The following GPC2 variants were observed in gnomAD, a reference collection of about 807,000 sequenced individuals.
The protein encoded by GPC2 is glypican 2.
Under a neutral mutation model 57.3 loss-of-function variants are expected in GPC2, and 42 were observed. The ratio of observed to expected loss-of-function variants is 0.73; its 90% CI spans 0.57 to 0.95. The LOEUF (loss-of-function observed/expected upper bound fraction) is 0.95, where lower values mean the gene tolerates loss of function less well. GPC2 is among the 40% of genes least tolerant of loss of function. The probability of loss-of-function intolerance (pLI) is 0.00; values close to 1 mark genes in which losing one functional copy is unlikely to be tolerated. For synonymous variants in GPC2, 364 were observed against 343.4 expected, an observed-to-expected ratio of 1.06 and a Z score of -0.66; for missense variants, 745 against 793.6, an observed-to-expected ratio of 0.94 and a Z score of 0.74.
At chr7:100,174,200 G>C (rs1385381861) in intron 4 of GPC2, 1 of 527,844 alleles carries the variant, frequency 1.9e-6, no homozygotes, top group Non-Finnish European at 3.3e-6. Flanking sequence ...GGTGGAAATA[G>C]AGAGGCAGTT....
intron 6 of GPC2, 50 bp downstream of exon 6, chr7:100,172,037 C>CCA: frequency 6.2e-7 from 1 of 1,603,564 alleles, no homozygotes. Flanking sequence ...TCTCTGACAC[C>CCA]CACACCGTCC....
chr7:100,171,408 G>A lies in GPC2; in HGVS notation c.1339C>T (p.Pro447Ser), dbSNP rs1347182058. The A allele has an allele frequency of 3.4e-6, 5 of 1,485,710 alleles. No homozygotes were observed. The highest frequency in any genetic ancestry group is 1.5e-5 in the African/African-American group (1 of 68,478). The allele number at this position is 1,485,710 out of a possible 1,614,324, so 92.0% of individuals were successfully genotyped here. A position where few individuals can be genotyped will look rare whatever the true frequency, so the allele number is the denominator to read the frequency against. The change falls in exon 9 of 10, where the codon CCG (proline) becomes TCG (serine). Residue 447 changes from proline (P) to serine (S), a missense_variant. Transcript: ENST00000292377. The surrounding 1 kb of genome is among the most constrained non-coding windows in gnomAD (Gnocchi z 4.8). The part of the protein sequence containing the change: ...RYLPPVVGGS[P>S]AEQVNNPELK... ...TCGGGGTTGTTGACCTGCTCGGCCG[G>A]GGAGCCCCCGACCACTGGCGGCAAG...
chr7:100,171,549 C>T lies in GPC2; in HGVS notation c.1300G>A (p.Gly434Arg). Residue 434 changes from glycine (G) to arginine (R), a missense_variant, in exon 8 of 10, where the codon GGG becomes AGG. Physicochemically the swap from Gly to Arg is moderately radical, Grantham distance 125. This residue lies in a region of GPC2 where 607 missense variants were observed against 603.9 expected (regional missense o/e 1.01). Transcript: ENST00000292377. The surrounding 1 kb of genome is among the most constrained non-coding windows in gnomAD (Gnocchi z 4.8). ...GCCCCCGAGGCTCACCGGCCCCGCC[C>T]GGCTCCGGTCCAGCAGGGCGCCGCC... Reference protein sequence around the residue: ...LEAAPCWTGAGRGRYLPPVVG... With the variant: ...LEAAPCWTGARRGRYLPPVVG... The T allele has an allele frequency of 2.1e-6, 3 of 1,457,994 alleles. No homozygotes were observed. Among genetic ancestry groups the T allele is most frequent in the Non-Finnish European group, 1.8e-6 (2 of 1,112,866 alleles). The allele number at this position is 1,457,994 out of a possible 1,614,324, so 90.3% of individuals were successfully genotyped here.
chr7:100,177,298 G>T lies in GPC2; in HGVS notation c.-99C>A. 1 of 1,081,962 alleles carries T rather than the reference G, an allele frequency of 9.2e-7. No homozygotes were observed. 67.0% of individuals were successfully genotyped at this position (1,081,962 alleles called of 1,614,324 possible). On this transcript the variant is annotated 5_prime_UTR_variant, in exon 1 of 10. Coordinates refer to ENST00000292377, the MANE Select transcript of GPC2 (RefSeq NM_152742.3). ...TACTCGGCCGCGGGACCGCTCCGCG[G>T]GCCAGAGAAAGAGCGCTGCTCCGGA...
rs929783486 is a variant in GPC2, at chr7:100,177,295, G to A, written c.-96C>T. 3.7e-6 allele frequency: 4 copies of A among 1,091,974 alleles called. No homozygotes were observed. The highest frequency in any genetic ancestry group is 5.1e-6 in the Non-Finnish European group (4 of 780,652). The allele number at this position is 1,091,974 out of a possible 1,614,324, so 67.6% of individuals were successfully genotyped here. A position where few individuals can be genotyped will look rare whatever the true frequency, so the allele number is the denominator to read the frequency against. On this transcript the variant is annotated 5_prime_UTR_variant, in exon 1 of 10. Coordinates refer to ENST00000292377, the MANE Select transcript of GPC2 (RefSeq NM_152742.3). ...CGGTACTCGGCCGCGGGACCGCTCCGCGGGCCAGAGAAAGAGCGCTGCTCC... is the reference window on the plus strand; with the variant it reads ...CGGTACTCGGCCGCGGGACCGCTCCACGGGCCAGAGAAAGAGCGCTGCTCC...
intron 9 of GPC2, 136 bp from the exon 10 acceptor site, chr7:100,170,619 G>C: frequency 1.3e-6 from 1 of 767,448 alleles, no homozygotes. Context: ...GTTGGGGAAG[G>C]GAGAAAGACC....
chr7:100,171,564 A>C lies in GPC2; in HGVS notation c.1285T>G (p.Cys429Gly). ...CGGCCCCGCCCGGCTCCGGTCCAGC[A>C]GGGCGCCGCCTCCAGCGAGGCGTCC... ...AADASLEAAP[C>G]WTGAGRGRYL... The change falls in exon 8 of 10, where the codon TGC (cysteine) becomes GGC (glycine). Residue 429 changes from cysteine to glycine, a missense_variant. By Grantham distance (159) the Cys-to-Gly change is radical. Coordinates refer to ENST00000292377, the MANE Select transcript of GPC2 (RefSeq NM_152742.3). This position sits in a 1 kb window ranked among gnomAD's most constrained non-coding sequence, Gnocchi z 4.8. 6.7e-7 allele frequency: 1 copy of C among 1,492,406 alleles called. No individual in the cohort carries two copies. The highest frequency in any genetic ancestry group is 8.8e-7 in the Non-Finnish European group (1 of 1,131,454). 92.4% of individuals were successfully genotyped at this position (1,492,406 alleles called of 1,614,324 possible). A position where few individuals can be genotyped will look rare whatever the true frequency, so the allele number is the denominator to read the frequency against.
rs1030982348 is a variant in GPC2, at chr7:100,171,497, C to A, written c.1310+42G>T. 3.2e-5 allele frequency: 42 copies of A among 1,332,812 alleles called. No homozygotes were observed. The highest frequency in any genetic ancestry group is 3.8e-5 in the Non-Finnish European group (40 of 1,047,618). The allele number at this position is 1,332,812 out of a possible 1,614,324, so 82.6% of individuals were successfully genotyped here. On this transcript the variant is annotated intron_variant, in intron 8 of 9. Transcript: ENST00000292377. This position sits in a 1 kb window ranked among gnomAD's most constrained non-coding sequence, Gnocchi z 4.8. The stretch of plus-strand genomic sequence containing the variant: ...CGCGCGGCCCCGCCCCTCCCGGCCG[C>A]GGTCCCGCCCCCTGCTGCCCCCCGA...
Position 100,170,283 on chromosome 7 carries a change from G to A in GPC2, c.1687C>T (p.Gln563Ter). Residue 563 changes from glutamine (Q) to a stop codon, truncating the protein, a stop_gained, in exon 10 of 10, where the codon CAA (glutamine) becomes TAA (stop). Transcript: ENST00000292377. LOFTEE classifies it high-confidence loss of function. ...GAGAGGGAGAGAATGAGGATGGTTT[G>A]GGTGTGAAAACCAATAGATGCCCCC... is the stretch of plus-strand genomic sequence containing the variant. Reference protein sequence around the residue: ...SGGASIGFHTQTILILSLSAL... With the variant: ...SGGASIGFHT 1.9e-6 allele frequency: 3 copies of A among 1,595,864 alleles called. No homozygotes were observed. The highest frequency in any genetic ancestry group is 2.6e-6 in the Non-Finnish European group (3 of 1,170,950).
intron 2 of GPC2, 42 bp from the exon 3 acceptor site, chr7:100,175,936 A>G (rs1325453224): frequency 6.5e-7 from 1 of 1,545,542 alleles, no homozygotes; most frequent in South Asian, 1.1e-5. Context: ...AGGTCAGGCC[A>G]AAGAATGGGG....
intron 4 of GPC2, 146 bp from the exon 5 acceptor site, chr7:100,174,143 G>C: frequency 6.3e-6 from 4 of 638,642 alleles, no homozygotes; most frequent in South Asian, 4.8e-5. Context: ...GATTGTCACA[G>C]ATCTGAGGAG....
In GPC2 at chr7:100,177,353, C is replaced by G. The variant is rs1275198714; in HGVS notation, c.-154G>C. On this transcript the variant is annotated 5_prime_UTR_variant, in exon 1 of 10. Coordinates refer to ENST00000292377, the MANE Select transcript of GPC2 (RefSeq NM_152742.3). ...TGAATACCGAGCACGATAGCTGGAC[C>G]AGGCGGCATCTGCCGAGACAATGGG... is the stretch of plus-strand genomic sequence containing the variant. 1.6e-6 allele frequency: 1 copy of G among 607,570 alleles called. No homozygotes were observed. Among genetic ancestry groups the G allele is most frequent in the Non-Finnish European group, 2.6e-6 (1 of 382,796 alleles). 37.6% of individuals were successfully genotyped at this position (607,570 alleles called of 1,614,324 possible). A position where few individuals can be genotyped will look rare whatever the true frequency, so the allele number is the denominator to read the frequency against.
rs1293827734 is a variant in GPC2 at position 100,171,583 on chromosome 7, G to A, written c.1266C>T (p.Ala422=). 2.0e-6 allele frequency: 3 copies of A among 1,509,632 alleles called. No homozygotes were observed. The highest frequency in any genetic ancestry group is 1.4e-5 in the African/African-American group (1 of 69,722). 93.5% of individuals were successfully genotyped at this position (1,509,632 alleles called of 1,614,324 possible). A position where few individuals can be genotyped will look rare whatever the true frequency, so the allele number is the denominator to read the frequency against. ...VCGDSRMAAD[A]SLEAAPCWTG... is the part of the protein sequence containing the mutation. ...TCCAGCAGGGCGCCGCCTCCAGCGA[G>A]GCGTCCGCTGCCATGCGAGAGTCTC... Residue 422 remains alanine (A), a synonymous_variant, in exon 8 of 10, where the codon GCC becomes GCT. Coordinates refer to ENST00000292377, the MANE Select transcript of GPC2 (RefSeq NM_152742.3). The surrounding 1 kb of genome is among the most constrained non-coding windows in gnomAD (Gnocchi z 4.8).
chr7:100,170,550 G>T (rs560632423), intron 9 of GPC2, 67 bp from the exon 10 acceptor site: 32 of 1,352,600 alleles, frequency 2.4e-5, no homozygotes, highest in Non-Finnish European at 2.0e-5. Context: ...GGGAGGAAAA[G>T]AAATTGAGAT....
Position 100,177,344 on chromosome 7 carries a change from T to G in GPC2, c.-145A>C. The G allele has an allele frequency of 1.6e-6, 1 of 636,842 alleles. No individual in the cohort carries two copies. The highest frequency in any genetic ancestry group is 2.5e-6 in the Non-Finnish European group (1 of 402,788). 39.4% of individuals were successfully genotyped at this position (636,842 alleles called of 1,614,324 possible). The stretch of plus-strand genomic sequence containing the variant: ...CCGGAAAACTGAATACCGAGCACGA[T>G]AGCTGGACCAGGCGGCATCTGCCGA... On this transcript the variant is annotated 5_prime_UTR_variant, in exon 1 of 10. Transcript: ENST00000292377.
chr7:100,172,651 G>GTGTA lies in GPC2; in HGVS notation c.893-435_893-434insTACA, dbSNP rs1799198750. Among the ~76,000 whole-genome samples the GTGTA allele has an allele frequency of 2.8e-5, 4 of 144,506 alleles. No homozygotes were observed. In the South Asian group the frequency reaches 8.7e-4, roughly 31 times the overall value. The allele number at this position is 144,506 out of a possible 152,430, so 94.8% of individuals were successfully genotyped here. ...GGCTAATTTTTGTATATATATATAT[G>GTGTA]TGTGTGTGTATATATATATATGTGT... On this transcript the variant is annotated intron_variant, in intron 5 of 9. Transcript: ENST00000292377.
At position 100,171,471 on chromosome 7, in the gene GPC2, G is replaced by T; in HGVS notation, c.1311-35C>A. On this transcript the variant is annotated intron_variant, in intron 8 of 9. Coordinates refer to ENST00000292377, the MANE Select transcript of GPC2 (RefSeq NM_152742.3). This position sits in a 1 kb window ranked among gnomAD's most constrained non-coding sequence, Gnocchi z 4.8. ...GAGCAGCCCCGAAGCGCCAGCTAGC[G>T]CGCGCGGCCCCGCCCCTCCCGGCCG... The T allele has an allele frequency of 1.5e-6, 2 of 1,353,290 alleles. No homozygotes were observed. Among genetic ancestry groups the T allele is most frequent in the Non-Finnish European group, 9.5e-7 (1 of 1,057,754 alleles). 83.8% of individuals were successfully genotyped at this position (1,353,290 alleles called of 1,614,324 possible). A position where few individuals can be genotyped will look rare whatever the true frequency, so the allele number is the denominator to read the frequency against.
chr7:100,173,556 G>A (rs191581263), intron 5 of GPC2: 200 of 228,658 alleles, frequency 8.7e-4, no homozygotes, highest in African/African-American at 4.4e-3. Context: ...GGGACTACAG[G>A]CGCGGGCGCT....
chr7:100,175,751 C>T lies in GPC2; in HGVS notation c.469G>A (p.Glu157Lys), dbSNP rs1395185895. Residue 157 changes from glutamate to lysine, a missense_variant, in exon 3 of 10, where the codon GAG becomes AAG. By Grantham distance (56) the Glu-to-Lys change is moderately conservative. This residue lies in a region of GPC2 where 607 missense variants were observed against 603.9 expected (regional missense o/e 1.01). Transcript: ENST00000292377. ...TCCGCCAGGGTGTCATCCAACCCCT[C>T]ACCAGATTCCCCATAGAAGTCTCGC... ...RLRDFYGESG[E>K]GLDDTLADFW... 5.6e-6 allele frequency: 9 copies of T among 1,614,144 alleles called. No homozygotes were observed. Among genetic ancestry groups the T allele is most frequent in the Non-Finnish European group, 7.6e-6 (9 of 1,180,018 alleles).
Sources: allele counts gnomAD v4.1 joint callset (sites outside exome capture counted in the v4.1 genomes callset), GRCh38; gene constraint gnomAD v4.1.1; regional missense constraint gnomAD v4.1.1; non-coding constraint Gnocchi (gnomAD v3.1); transcripts MANE v1.5; gene names NCBI Gene and HGNC (gene_info 2026-07-23, HGNC 2026-07-21).